The following RGL1 variants were observed in gnomAD, a reference collection of about 807,000 sequenced individuals.
The protein encoded by RGL1 is ral guanine nucleotide dissociation stimulator like 1.
Under a neutral mutation model 95.2 loss-of-function variants are expected in RGL1, and 24 were observed. The ratio of observed to expected loss-of-function variants is 0.25; its 90% CI spans 0.18 to 0.35. The LOEUF is 0.35. Ranked by LOEUF, RGL1 falls within the 10% of genes least tolerant of loss-of-function variation. RGL1 has a pLI of 1.00. For missense variants in RGL1, 715 were observed against 936.3 expected (o/e 0.76, Z 3.08); for synonymous variants, 329 against 344.9 (o/e 0.95, Z 0.51).
chr1:183,729,292 T>G (rs750475946), intron 1 of RGL1, among the ~76,000 whole-genome samples: 2 of 151,942 alleles, frequency 1.3e-5, no homozygotes, highest in African/African-American at 2.4e-5. Context: ...ATAAAGTCAA[T>G]AAAATGGACA....
At chr1:183,854,071 G>A (rs1664991172) in intron 3 of RGL1, among the ~76,000 whole-genome samples, 2 of 152,198 alleles carry the variant, frequency 1.3e-5, no homozygotes, top group African/African-American at 4.8e-5. Context: ...CATGCTGAAT[G>A]TCTAGTGGGA....
chr1:183,661,098 G>T (rs1374035448), intron 1 of RGL1, among the ~76,000 whole-genome samples: 1 of 151,982 alleles, frequency 6.6e-6, no homozygotes, highest in African/African-American at 2.4e-5. Context: ...GCCCACAAGA[G>T]AAAGCAGGAA....
At chr1:183,849,983 A>G (rs766501816) in intron 3 of RGL1, among the ~76,000 whole-genome samples, 8 of 152,190 alleles carry the variant, frequency 5.3e-5, no homozygotes, top group Non-Finnish European at 7.3e-5. Context: ...GAAAACGGGA[A>G]TGCCTATTTC....
At chr1:183,878,204 CTTT>C (rs1359222095) in intron 4 of RGL1, among the ~76,000 whole-genome samples, 1 of 150,300 alleles carries the variant, frequency 6.7e-6, no homozygotes, top group African/African-American at 2.5e-5. Flanking sequence ...ATCTGTCTAT[CTTT>C]TTTTTTGGAG....
intron 1 of RGL1, among the ~76,000 whole-genome samples, chr1:183,690,355 T>C (rs1653867449): frequency 6.6e-6 from 1 of 152,222 alleles, no homozygotes; most frequent in African/African-American, 2.4e-5. Context: ...AAAAGAATGT[T>C]ACGTTTTGTA....
At chr1:183,725,198 A>C (rs1261940184) in intron 1 of RGL1, among the ~76,000 whole-genome samples, 3 of 152,168 alleles carry the variant, frequency 2.0e-5, no homozygotes, top group Non-Finnish European at 4.4e-5. Flanking sequence ...CAGTGACCAA[A>C]AACTCAGATG....
intron 2 of RGL1, among the ~76,000 whole-genome samples, chr1:183,772,393 C>A (rs1266761500): frequency 2.6e-5 from 4 of 152,174 alleles, no homozygotes; most frequent in Non-Finnish European, 5.9e-5. Flanking sequence ...TCCGTCACGT[C>A]CTGGGAGGGG....
intron 1 of RGL1, among the ~76,000 whole-genome samples, chr1:183,655,625 G>A (rs1380622681): frequency 6.6e-6 from 1 of 152,206 alleles, no homozygotes; most frequent in African/African-American, 2.4e-5. Context: ...AAAGCAGAGG[G>A]TGGATCTTCG....
chr1:183,916,631 A>G lies in RGL1; in HGVS notation c.1934A>G (p.Gln645Arg), dbSNP rs1668996419. ...STVLPPVYNQQNEDTCIIRIS... is the reference protein window; with the variant it reads ...STVLPPVYNQRNEDTCIIRIS... ...GTGCTGCCTCCTGTTTACAACCAAC[A>G]GAATGAAGACACCTGCATAATCCGC... The change falls in exon 16 of 18, where the codon CAG becomes CGG. Residue 645 changes from glutamine to arginine, a missense_variant. Transcript: ENST00000360851. 6.2e-7 allele frequency: 1 copy of G among 1,613,902 alleles called. No individual in the cohort carries two copies.
chr1:183,787,152 G>T (rs1250172653), intron 2 of RGL1, among the ~76,000 whole-genome samples: 4 of 152,210 alleles, frequency 2.6e-5, no homozygotes, highest in Non-Finnish European at 5.9e-5. Context: ...GAGGTGGCTT[G>T]ATTGGGCGCC....
chr1:183,855,781 A>G (rs1162258337), intron 3 of RGL1, among the ~76,000 whole-genome samples: 1 of 152,204 alleles, frequency 6.6e-6, no homozygotes, highest in Non-Finnish European at 1.5e-5. Flanking sequence ...TAACACTCAC[A>G]TTAAATCTTG....
intron 1 of RGL1, among the ~76,000 whole-genome samples, chr1:183,718,745 G>A (rs559915883): frequency 1.3e-4 from 20 of 151,576 alleles, no homozygotes; most frequent in South Asian, 1.0e-3. Context: ...TGAAACCCCC[G>A]TCTCTACTAA....
intron 2 of RGL1, among the ~76,000 whole-genome samples, chr1:183,810,529 A>AAG (rs1040523573): frequency 7.9e-5 from 12 of 152,176 alleles, no homozygotes; most frequent in Admixed American, 7.2e-4. Flanking sequence ...GAGTCTGGTA[A>AAG]AGAGAGGGAA....
chr1:183,822,888 T>G (rs2102462693), intron 2 of RGL1, among the ~76,000 whole-genome samples: 1 of 152,336 alleles, frequency 6.6e-6, no homozygotes, highest in African/African-American at 2.4e-5. Context: ...CTAACTGGGC[T>G]ATTTTCCTGT....
At chr1:183,637,424 A>G (rs1339800888) in intron 1 of RGL1, among the ~76,000 whole-genome samples, 2 of 152,258 alleles carry the variant, frequency 1.3e-5, no homozygotes, top group African/African-American at 4.8e-5. Flanking sequence ...GAAAGACCGT[A>G]CAGTTTGAGA....
At chr1:183,759,663 C>T (rs912870679) in intron 2 of RGL1, among the ~76,000 whole-genome samples, 2 of 152,212 alleles carry the variant, frequency 1.3e-5, no homozygotes, top group South Asian at 4.1e-4. Context: ...TACCTCTAGT[C>T]AGGGAAGTCT....
intron 15 of RGL1, among the ~76,000 whole-genome samples, chr1:183,915,151 C>T (rs1169161869): frequency 6.6e-6 from 1 of 152,134 alleles, no homozygotes; most frequent in Non-Finnish European, 1.5e-5. Context: ...AGGAAATCTA[C>T]AGGAAATAAG....
At chr1:183,885,080 TC>T in intron 7 of RGL1, 142 bp downstream of exon 7, 1 of 719,998 alleles carries the variant, frequency 1.4e-6, no homozygotes, top group Non-Finnish European at 2.2e-6. Flanking sequence ...TTGTTGTTCT[TC>T]CAGAGTAAGA....
chr1:183,924,859 G>C (rs928116766), intron 17 of RGL1, among the ~76,000 whole-genome samples: 1 of 151,636 alleles, frequency 6.6e-6, no homozygotes, highest in African/African-American at 2.4e-5. Context: ...CCAGCTACTT[G>C]GGGGGCTGAG....
Sources: allele counts gnomAD v4.1 joint callset (sites outside exome capture counted in the v4.1 genomes callset), GRCh38; gene constraint gnomAD v4.1.1; transcripts MANE v1.5; gene names NCBI Gene and HGNC (gene_info 2026-07-23, HGNC 2026-07-21).